RSRC1: variants seen among roughly 807,000 people sequenced by gnomAD.
RSRC1 encodes the protein arginine and serine rich coiled-coil 1, also known as serine/Arginine-related protein 53.
A neutral mutation model predicts 49.1 loss-of-function variants in RSRC1; 39 were observed. The observed-to-expected ratio is 0.79, with a 90% CI of 0.61 to 1.04. RSRC1 has a LOEUF of 1.04. Ranked by LOEUF, RSRC1 falls within the 50% of genes least tolerant of loss-of-function variation. The probability of loss-of-function intolerance (pLI) is 0.00; values close to 1 mark genes in which losing one functional copy is unlikely to be tolerated. For synonymous variants in RSRC1, 143 were observed against 130.8 expected (o/e 1.09, Z -0.63); for missense variants, 388 against 402.4 (o/e 0.96, Z 0.31).
At chr3:158,351,939 T>C (rs1730903737) in intron 5 of RSRC1, among the ~76,000 whole-genome samples, 1 of 147,382 alleles carries the variant, frequency 6.8e-6, no homozygotes, top group Non-Finnish European at 1.5e-5. Flanking sequence ...ATATATATAA[T>C]AGATAATTAT....
intron 6 of RSRC1, among the ~76,000 whole-genome samples, chr3:158,410,744 T>G (rs1236542972): frequency 6.6e-6 from 1 of 152,132 alleles, no homozygotes; most frequent in Non-Finnish European, 1.5e-5. Context: ...TTTCTGATGC[T>G]TTGTAATATG....
intron 7 of RSRC1, among the ~76,000 whole-genome samples, chr3:158,514,071 C>T (rs1740360086): frequency 1.3e-5 from 2 of 152,146 alleles, no homozygotes; most frequent in Non-Finnish European, 2.9e-5. Context: ...AAACCAGCTC[C>T]TGGATTCATT....
chr3:158,412,821 G>C (rs1409734331), intron 6 of RSRC1, among the ~76,000 whole-genome samples: 1 of 151,912 alleles, frequency 6.6e-6, no homozygotes, highest in Non-Finnish European at 1.5e-5. Flanking sequence ...TCTGATTTTG[G>C]TTATTTCTTG....
At chr3:158,448,765 A>G (rs1325980582) in intron 6 of RSRC1, among the ~76,000 whole-genome samples, 1 of 151,950 alleles carries the variant, frequency 6.6e-6, no homozygotes, top group African/African-American at 2.4e-5. Flanking sequence ...AATAAAAAGA[A>G]AGAGCACATG....
At chr3:158,333,436 T>C (rs1287036166) in intron 5 of RSRC1, among the ~76,000 whole-genome samples, 1 of 152,196 alleles carries the variant, frequency 6.6e-6, no homozygotes, top group Non-Finnish European at 1.5e-5. Flanking sequence ...CTCAGTACAG[T>C]ATTTAAATAA....
intron 7 of RSRC1, among the ~76,000 whole-genome samples, chr3:158,470,674 T>C (rs1738097889): frequency 6.6e-6 from 1 of 152,194 alleles, no homozygotes; most frequent in South Asian, 2.1e-4. Context: ...TATGATTTGA[T>C]AACTTACCAC....
chr3:158,123,841 G>T, intron 2 of RSRC1, 25 bp from the exon 3 acceptor site: 1 of 1,583,394 alleles, frequency 6.3e-7, no homozygotes, highest in Non-Finnish European at 8.6e-7. Flanking sequence ...TTATAGCAGT[G>T]ATCTTTGATT....
chr3:158,519,616 G>T (rs993313189), intron 7 of RSRC1, among the ~76,000 whole-genome samples: 1 of 152,098 alleles, frequency 6.6e-6, no homozygotes, highest in Non-Finnish European at 1.5e-5. Flanking sequence ...AAAGAGTTTA[G>T]CAGGAGCCAG....
chr3:158,180,406 T>G, intron 3 of RSRC1, among the ~76,000 whole-genome samples: 2 of 85,402 alleles, frequency 2.3e-5, no homozygotes, highest in African/African-American at 8.9e-5. Context: ...TTTTTTTTTT[T>G]TTTTTTTTTT....
chr3:158,415,319 A>G (rs1237881672), intron 6 of RSRC1, among the ~76,000 whole-genome samples: 1 of 152,082 alleles, frequency 6.6e-6, no homozygotes, highest in East Asian at 1.9e-4. Context: ...CCAGCTTTAA[A>G]GATTCTACTC....
intron 7 of RSRC1, among the ~76,000 whole-genome samples, chr3:158,500,303 C>G (rs928844630): frequency 6.6e-6 from 1 of 152,094 alleles, no homozygotes; most frequent in African/African-American, 2.4e-5. Flanking sequence ...CTATGTTCAT[C>G]AAGGATATCG....
At chr3:158,349,374 T>C (rs549770186) in intron 5 of RSRC1, among the ~76,000 whole-genome samples, 1 of 152,308 alleles carries the variant, frequency 6.6e-6, no homozygotes, top group African/African-American at 2.4e-5. Flanking sequence ...TTGTATTTCT[T>C]CTTTTGAGAA....
intron 4 of RSRC1, among the ~76,000 whole-genome samples, chr3:158,244,864 G>A (rs887425449): frequency 4.0e-5 from 6 of 151,888 alleles, no homozygotes; most frequent in African/African-American, 1.2e-4. Context: ...GACGATATAC[G>A]TGTTCAAGAA....
chr3:158,494,690 A>G (rs1739233668), intron 7 of RSRC1, among the ~76,000 whole-genome samples: 1 of 152,204 alleles, frequency 6.6e-6, no homozygotes, highest in African/African-American at 2.4e-5. Flanking sequence ...CTCTATTTGC[A>G]GTTTTTTTTA....
At position 158,527,471 on chromosome 3, in the gene RSRC1, G is replaced by A. The variant is rs539090120; in HGVS notation, c.653-9621G>A. On this transcript the variant is annotated intron_variant, in intron 7 of 9. Transcript: ENST00000611884. Reference sequence around the variant, plus strand: ...TGCCTTCTCTAGAATAGAGAACTAAGTAGATATGTTGCCTCTGGGTTCAAT... The same window carrying A: ...TGCCTTCTCTAGAATAGAGAACTAAATAGATATGTTGCCTCTGGGTTCAAT... Among the ~76,000 whole-genome samples the A allele has an allele frequency of 3.2e-4, 48 of 151,946 alleles. No homozygotes were observed. In the South Asian group the frequency reaches 4.8e-3, roughly 15 times the overall value.
chr3:158,500,404 A>G (rs1739538184), intron 7 of RSRC1, among the ~76,000 whole-genome samples: 1 of 152,042 alleles, frequency 6.6e-6, no homozygotes, highest in Non-Finnish European at 1.5e-5. Flanking sequence ...GAGGGTTCCT[A>G]CTTTCTCTGT....
intron 3 of RSRC1, among the ~76,000 whole-genome samples, chr3:158,139,629 C>T (rs1032366624): frequency 7.2e-6 from 1 of 138,434 alleles, no homozygotes; most frequent in Non-Finnish European, 1.5e-5. Flanking sequence ...TACTGAATCC[C>T]ATTAGTCTTT....
intron 3 of RSRC1, among the ~76,000 whole-genome samples, chr3:158,199,948 C>T (rs1578190758): frequency 6.6e-6 from 1 of 150,882 alleles, no homozygotes; most frequent in Non-Finnish European, 1.5e-5. Context: ...TTGGGTGACA[C>T]TCTTAGTTTC....
chr3:158,368,902 AT>A (rs1287949698), intron 6 of RSRC1, among the ~76,000 whole-genome samples: 1 of 152,104 alleles, frequency 6.6e-6, no homozygotes, highest in Non-Finnish European at 1.5e-5. Flanking sequence ...ATGTAAATAA[AT>A]TTACCGAAAA....
Sources: allele counts gnomAD v4.1 joint callset (sites outside exome capture counted in the v4.1 genomes callset), GRCh38; gene constraint gnomAD v4.1.1; transcripts MANE v1.5; gene names NCBI Gene and HGNC (gene_info 2026-07-23, HGNC 2026-07-21).